The following ABCC12 variants were observed in gnomAD, a reference collection of about 807,000 sequenced individuals.
The protein encoded by ABCC12 is ATP-binding cassette sub-family C member 12.
ABCC12 carries 142 observed loss-of-function variants against 151.1 expected under a neutral mutation model. The ratio of observed to expected loss-of-function variants is 0.94; its 90% CI spans 0.82 to 1.08. The LOEUF is 1.08. ABCC12 is among the 50% of genes least tolerant of loss of function. ABCC12 has a pLI of 0.00. For missense variants in ABCC12, 1,638 were observed against 1,691.1 expected, an observed-to-expected ratio of 0.97 and a Z score of 0.55; for synonymous variants, 645 against 646.4, an observed-to-expected ratio of 1.00 and a Z score of 0.03.
chr16:48,088,186 C>G, intron 26 of ABCC12, 101 bp from the exon 27 acceptor site: 1 of 1,346,204 alleles, frequency 7.4e-7, no homozygotes, highest in Non-Finnish European at 1.0e-6. Flanking sequence ...ATGCAAATGT[C>G]TCCGTAAGGA....
At chr16:48,144,885 A>G (rs971119127) in intron 3 of ABCC12, among the ~76,000 whole-genome samples, 1 of 152,120 alleles carries the variant, frequency 6.6e-6, no homozygotes, top group Non-Finnish European at 1.5e-5. Flanking sequence ...CCTCACAACA[A>G]CTCAGTAAGA....
intron 22 of ABCC12, 39 bp from the exon 23 acceptor site, chr16:48,101,048 T>A: frequency 6.2e-7 from 1 of 1,606,764 alleles, no homozygotes; most frequent in Non-Finnish European, 8.5e-7. Flanking sequence ...GGCCACAAAG[T>A]GAGGTCTCAT....
chr16:48,123,873 C>T (rs1286472145), intron 12 of ABCC12, among the ~76,000 whole-genome samples: 3 of 152,234 alleles, frequency 2.0e-5, no homozygotes, highest in Non-Finnish European at 2.9e-5. Context: ...ACCAAGCTGC[C>T]TTGCTGGCAT....
chr16:48,140,275 T>C (rs867489888), intron 6 of ABCC12, among the ~76,000 whole-genome samples: 2 of 151,516 alleles, frequency 1.3e-5, no homozygotes, highest in African/African-American at 4.9e-5. Context: ...ATGTCAACTC[T>C]GAAGTCCAAT....
rs1964722925 is a variant in ABCC12 at position 48,139,269 on chromosome 16, G to A, written c.725C>T (p.Ala242Val). The A allele has an allele frequency of 3.7e-6, 6 of 1,614,132 alleles. No individual in the cohort carries two copies. In the East Asian group the frequency reaches 1.3e-4, roughly 36 times the overall value. The change falls in exon 7 of 31, where the codon GCC becomes GTC. Residue 242 changes from alanine to valine, a missense_variant. Coordinates refer to ENST00000311303, the MANE Select transcript of ABCC12 (RefSeq NM_001393797.1). ...FEAALFCPLP[A>V]TIPILMVFCA... ...AAAGACCATTAGGATCGGGATGGTG[G>A]CTGGCAAAGGACAAAACAAGGCAGC...
chr16:48,125,419 G>A (rs1597317380), intron 11 of ABCC12, among the ~76,000 whole-genome samples: 1 of 152,202 alleles, frequency 6.6e-6, no homozygotes, highest in East Asian at 1.9e-4. Context: ...CTTGGGCACG[G>A]ATGCAGATAA....
At chr16:48,107,172 G>T in intron 20 of ABCC12, 150 bp downstream of exon 20, 2 of 750,758 alleles carry the variant, frequency 2.7e-6, no homozygotes, top group African/African-American at 1.7e-5. Flanking sequence ...TGGGTCCTGT[G>T]GTGTAAGCAT....
intron 24 of ABCC12, among the ~76,000 whole-genome samples, chr16:48,093,759 C>G (rs1406551030): frequency 6.6e-6 from 1 of 152,194 alleles, no homozygotes; most frequent in African/African-American, 2.4e-5. Flanking sequence ...GTATCAGCTC[C>G]CAAGGCCACG....
intron 13 of ABCC12, chr16:48,121,177 T>G (rs1964054761): frequency 6.6e-6 from 1 of 152,220 alleles, no homozygotes; most frequent in Non-Finnish European, 1.5e-5. Context: ...AATGTAATTA[T>G]GTCCATTTAA....
At position 48,091,181 on chromosome 16, in the gene ABCC12, C is replaced by G. The variant is rs200003763; in HGVS notation, c.3224G>C (p.Arg1075Pro). 8.6e-5 allele frequency: 138 copies of G among 1,614,018 alleles called. No individual in the cohort carries two copies. The highest frequency in any genetic ancestry group is 8.2e-4 in the Middle Eastern group (5 of 6,082). Residue 1075 changes from arginine (R) to proline (P), a missense_variant, in exon 25 of 31, where the codon CGA (arginine) becomes CCA (proline). Transcript: ENST00000311303. ...TTTGGCTTGCGTCTCTGTTCCCGTT[C>G]GCACACACACTTGGAGCAGTCCGCT... ...QLSGLLQVCV[R>P]TGTETQAKFT...
At chr16:48,105,845 T>C (rs1275934344) in intron 20 of ABCC12, among the ~76,000 whole-genome samples, 1 of 152,138 alleles carries the variant, frequency 6.6e-6, no homozygotes, top group South Asian at 2.1e-4. Context: ...AGCTCCACAG[T>C]CCCTTCCCTT....
intron 2 of ABCC12, among the ~76,000 whole-genome samples, chr16:48,149,398 A>AAAAAAC (rs1965088231): frequency 6.6e-6 from 1 of 152,180 alleles, no homozygotes; most frequent in African/African-American, 2.4e-5. Context: ...TATTTCAATT[A>AAAAAAC]AAAAACAAAG....
At chr16:48,120,505 G>A (rs2150634725) in intron 13 of ABCC12, among the ~76,000 whole-genome samples, 1 of 151,368 alleles carries the variant, frequency 6.6e-6, no homozygotes, top group Non-Finnish European at 1.5e-5. Flanking sequence ...CAGAAGTAGG[G>A]AGAGAATAAC....
At chr16:48,112,032 G>T in intron 15 of ABCC12, 122 bp from the exon 16 acceptor site, 1 of 1,230,930 alleles carries the variant, frequency 8.1e-7, no homozygotes, top group Non-Finnish European at 1.1e-6. Flanking sequence ...GTTTGAGGGG[G>T]CTGTCCTGTG....
At chr16:48,103,942 T>G (rs1467896840) in intron 22 of ABCC12, among the ~76,000 whole-genome samples, 200 bp downstream of exon 22, 1 of 152,196 alleles carries the variant, frequency 6.6e-6, no homozygotes, top group Non-Finnish European at 1.5e-5. Context: ...TGCCGTAATC[T>G]TTCAATAGTT....
intron 13 of ABCC12, chr16:48,121,510 G>A: frequency 1.8e-6 from 1 of 560,738 alleles, no homozygotes; most frequent in Non-Finnish European, 3.1e-6. Flanking sequence ...TCTTCCCAGT[G>A]TGCAGTCGCA....
chr16:48,087,697 T>C, intron 27 of ABCC12: 1 of 473,864 alleles, frequency 2.1e-6, no homozygotes, highest in Non-Finnish European at 3.7e-6. Flanking sequence ...TCTTGCTCAT[T>C]AATAATGTGT....
intron 8 of ABCC12, among the ~76,000 whole-genome samples, chr16:48,137,890 A>C (rs1432114228): frequency 6.6e-6 from 1 of 152,136 alleles, no homozygotes; most frequent in Non-Finnish European, 1.5e-5. Flanking sequence ...GTGTGTGTAG[A>C]TGTCTTCTAA....
intron 2 of ABCC12, among the ~76,000 whole-genome samples, chr16:48,147,614 A>C (rs1023402461): frequency 1.6e-4 from 24 of 152,204 alleles, no homozygotes; most frequent in African/African-American, 5.8e-4. Flanking sequence ...ACAAAGGCCC[A>C]GAGAGAGGAA....
Sources: gnomAD v4.1 joint callset for allele counts (sites outside exome capture counted in the v4.1 genomes callset) on GRCh38, gnomAD v4.1.1 for gene constraint, MANE v1.5 for transcripts, NCBI Gene and HGNC (gene_info 2026-07-23, HGNC 2026-07-21) for gene names.